The following RNASEH1 variants were observed in gnomAD, a reference collection of about 807,000 sequenced individuals.
The protein encoded by RNASEH1 is ribonuclease H type II.
A neutral mutation model predicts 34.6 loss-of-function variants in RNASEH1; 27 were observed. That is an observed-to-expected ratio of 0.78 (90% confidence interval 0.58 to 1.08). The LOEUF is 1.08. RNASEH1 is among the 50% of genes least tolerant of loss of function. The pLI is 0.00. For missense variants in RNASEH1, 349 were observed against 373.6 expected (o/e 0.93, Z 0.54); for synonymous variants, 162 against 138.4 (o/e 1.17, Z -1.20).
intron 4 of RNASEH1, 194 bp downstream of exon 4, chr2:3,550,179 A>T: frequency 1.7e-6 from 1 of 574,200 alleles, no homozygotes; most frequent in Non-Finnish European, 3.1e-6. Context: ...CAAAGGAAGT[A>T]AAGCTGAGGT....
At chr2:3,550,820 G>C (rs1484845916) in intron 3 of RNASEH1, among the ~76,000 whole-genome samples, 1 of 152,188 alleles carries the variant, frequency 6.6e-6, no homozygotes, top group African/African-American at 2.4e-5. Flanking sequence ...CACTCCCAGG[G>C]AGCCATCCTC....
At chr2:3,538,435 CCT>C (rs1471930287), downstream of RNASEH1, among the ~76,000 whole-genome samples, 2 of 151,980 alleles carry the variant, frequency 1.3e-5, no homozygotes, top group Non-Finnish European at 2.9e-5. Flanking sequence ...TCATTACCGC[CCT>C]GTTCCCACCC....
intron 2 of RNASEH1, 111 bp downstream of exon 2, chr2:3,556,678 C>A: frequency 1.5e-6 from 1 of 666,440 alleles, no homozygotes; most frequent in South Asian, 1.8e-5. Flanking sequence ...TGAAAACAAT[C>A]ACACGAGGTT....
intron 4 of RNASEH1, 60 bp downstream of exon 4, chr2:3,550,313 C>T (rs1424733304): frequency 3.7e-6 from 5 of 1,335,188 alleles, no homozygotes; most frequent in South Asian, 1.2e-5. Flanking sequence ...GCAGATCCCG[C>T]CTCATCTTTT....
the RNASEH1 span, chr2:3,533,063 G>A: frequency 6.6e-6 from 1 of 152,284 alleles, no homozygotes; most frequent in African/African-American, 2.4e-5. Flanking sequence ...TCCAAAGAGA[G>A]CCGCGAGGCT....
At chr2:3,534,978 G>A in the RNASEH1 span, among the ~76,000 whole-genome samples, 5 of 152,228 alleles carry the variant, frequency 3.3e-5, no homozygotes, top group Admixed American at 1.3e-4. Flanking sequence ...ATGGAAAGCA[G>A]AACAGTGCTG....
At position 3,541,933 on chromosome 2, in the gene RNASEH1, G is replaced by T. The variant is rs148589615; in HGVS notation, c.*3852C>A. ...TTTGGGAGGCCAAGGAAGGAGGATC[G>T]CTTGAGGCCAGGAGTTTAAGACCAG... On this transcript the variant is annotated 3_prime_UTR_variant, in exon 8 of 8. Transcript: ENST00000315212. Among the ~76,000 whole-genome samples the T allele has an allele frequency of 6.6e-6, 1 of 152,130 alleles. No individual in the cohort carries two copies. The highest frequency in any genetic ancestry group is 6.5e-5 in the Admixed American group (1 of 15,270).
At chr2:3,546,362 C>T (rs892142068) in intron 7 of RNASEH1, among the ~76,000 whole-genome samples, 4 of 151,904 alleles carry the variant, frequency 2.6e-5, no homozygotes, top group Admixed American at 2.6e-4. Flanking sequence ...ACAGTGGCTG[C>T]AGTGTAATTT....
At position 3,541,911 on chromosome 2, in the gene RNASEH1, G is replaced by A. The variant is rs568323123; in HGVS notation, c.*3874C>T. 6.6e-6 allele frequency among the ~76,000 whole-genome samples: 1 copy of A among 152,326 alleles called. No individual in the cohort carries two copies. Among genetic ancestry groups the A allele is most frequent in the East Asian group, 1.9e-4 (1 of 5,194 alleles). ...CTCACACCTGTAATCCCAGCACTTT[G>A]GGAGGCCAAGGAAGGAGGATCGCTT... On this transcript the variant is annotated 3_prime_UTR_variant, in exon 8 of 8. Transcript: ENST00000315212.
the RNASEH1 span, chr2:3,531,980 G>A: frequency 3.7e-5 from 16 of 430,940 alleles, no homozygotes; most frequent in Admixed American, 4.5e-4. Context: ...CGAACACTGC[G>A]ACATAGGTGT....
In RNASEH1 at chr2:3,551,053, AC is replaced by A. The variant is rs771593146; in HGVS notation, c.410-582del. ...CGGGGGCATTCTCAGGCCACTGGTG[AC>A]CAGGACACTTCAGTAGTGTGGTGGG... On this transcript the variant is annotated intron_variant, in intron 3 of 7. Coordinates refer to ENST00000315212, the MANE Select transcript of RNASEH1 (RefSeq NM_002936.6). Among the ~76,000 whole-genome samples, 3 of 152,384 alleles carry A rather than the reference AC, an allele frequency of 2.0e-5. No homozygotes were observed. In the East Asian group the frequency reaches 5.8e-4, roughly 29 times the overall value.
Position 3,557,982 on chromosome 2 carries a change from C to G in RNASEH1, c.128+151G>C, listed in dbSNP as rs546286100. 17 of 1,490,970 alleles carry G rather than the reference C, an allele frequency of 1.1e-5. No homozygotes were observed. In the South Asian group the frequency reaches 2.2e-4, roughly 20 times the overall value. The allele number at this position is 1,490,970 out of a possible 1,614,324, so 92.4% of individuals were successfully genotyped here. The stretch of plus-strand genomic sequence containing the variant: ...GCCTCCTGGAACCCCGCCGGCCGAG[C>G]AGGAAAACGAGGCGGTCCCCCGACC... On this transcript the variant is annotated intron_variant, in intron 1 of 7. Transcript: ENST00000315212.
At position 3,556,870 on chromosome 2, in the gene RNASEH1, C is replaced by G; in HGVS notation, c.163G>C (p.Ala55Pro). ...ECRAQVDRFP[A>P]ARFKKFATED... ...GTGGCAAACTTCTTAAATCTGGCAG[C>G]AGGAAACCGGTCCACCTGTGCTCTG... The change falls in exon 2 of 8, where the codon GCT becomes CCT. Residue 55 changes from alanine (A) to proline (P), a missense_variant. By Grantham distance (27) the Ala-to-Pro change is conservative. Coordinates refer to ENST00000315212, the MANE Select transcript of RNASEH1 (RefSeq NM_002936.6). 6.2e-7 allele frequency: 1 copy of G among 1,614,126 alleles called. No individual in the cohort carries two copies. The highest frequency in any genetic ancestry group is 8.5e-7 in the Non-Finnish European group (1 of 1,179,946).
rs1207550187 is a variant in RNASEH1, at chr2:3,558,264, T to C, written c.-4A>G. The C allele has an allele frequency of 6.3e-7, 1 of 1,577,032 alleles. No homozygotes were observed. Among genetic ancestry groups the C allele is most frequent in the African/African-American group, 1.4e-5 (1 of 72,580 alleles). On this transcript the variant is annotated 5_prime_UTR_variant, in exon 1 of 8. Coordinates refer to ENST00000315212, the MANE Select transcript of RNASEH1 (RefSeq NM_002936.6). ...CCAGGAACAGAAGCCAGCTCATCGC[T>C]CACTCCCGGCACCGGGAAGCATTTC...
chr2:3,549,180 G>A, intron 4 of RNASEH1, 68 bp from the exon 5 acceptor site: 1 of 1,169,640 alleles, frequency 8.5e-7, no homozygotes, highest in South Asian at 1.3e-5. Context: ...CTTCTTAATG[G>A]ATAACGATAA....
downstream of RNASEH1, among the ~76,000 whole-genome samples, chr2:3,539,632 C>T (rs910987617): frequency 4.6e-5 from 7 of 152,110 alleles, no homozygotes; most frequent in African/African-American, 1.2e-4. Flanking sequence ...TGAGGAACCA[C>T]GACCACCACG....
the RNASEH1 span, among the ~76,000 whole-genome samples, chr2:3,535,611 T>A: frequency 4.6e-5 from 7 of 150,548 alleles, 1 homozygote; most frequent in East Asian, 1.4e-3. Flanking sequence ...GCCGCATGGC[T>A]GGAGTTGGCA....
chr2:3,548,969 T>C, intron 5 of RNASEH1, 89 bp downstream of exon 5: 6 of 1,075,068 alleles, frequency 5.6e-6, no homozygotes. Flanking sequence ...ATCTTATATG[T>C]ATAGGTAGAA....
chr2:3,536,496 C>G (rs929536277), downstream of RNASEH1, among the ~76,000 whole-genome samples: 3 of 152,204 alleles, frequency 2.0e-5, no homozygotes, highest in African/African-American at 7.2e-5. Context: ...CCTGCTGAGC[C>G]TGCTTGGGGA....
Sources: gnomAD v4.1 joint callset for allele counts (sites outside exome capture counted in the v4.1 genomes callset) on GRCh38, gnomAD v4.1.1 for gene constraint, MANE v1.5 for transcripts, NCBI Gene and HGNC (gene_info 2026-07-23, HGNC 2026-07-21) for gene names.